ZNF385D: variants seen among roughly 807,000 people sequenced by gnomAD.
ZNF385D encodes zinc finger protein 385D.
A neutral mutation model predicts 35.8 loss-of-function variants in ZNF385D; 15 were observed. The ratio of observed to expected loss-of-function variants is 0.42; its 90% CI spans 0.28 to 0.64. ZNF385D has a LOEUF of 0.64. Ranked by LOEUF, ZNF385D falls within the 30% of genes least tolerant of loss-of-function variation. The probability of loss-of-function intolerance (pLI) is 0.23; values close to 1 mark genes in which losing one functional copy is unlikely to be tolerated. For synonymous variants in ZNF385D, 212 were observed against 186.8 expected (o/e 1.13, Z -1.10); for missense variants, 474 against 494.6 (o/e 0.96, Z 0.39).
chr3:21,681,698 G>GAAAAAAAAAAAAAAAAAAAAAAAAGA (rs5847124), intron 1 of ZNF385D, among the ~76,000 whole-genome samples: 1 of 133,206 alleles, frequency 7.5e-6, no homozygotes, highest in Admixed American at 7.5e-5. Context: ...AAAAAAAAAC[G>GAAAAAAAAAAAAAAAAAAAAAAAAGA]AAAAAAAAAA....
chr3:21,503,598 C>T lies in ZNF385D; in HGVS notation c.439+7263G>A, dbSNP rs552980368. On this transcript the variant is annotated intron_variant, in intron 4 of 7. Coordinates refer to ENST00000281523, the MANE Select transcript of ZNF385D (RefSeq NM_024697.3). ...TTTAAAAATGTGCACCTAGATTTGT[C>T]TGGCACTGGGCCTGAGGTAAACAGC... Among the ~76,000 whole-genome samples, 48 of 152,232 alleles carry T rather than the reference C, an allele frequency of 3.2e-4. 1 individual carries two copies. In the South Asian group the frequency reaches 5.8e-3, roughly 18 times the overall value.
At chr3:22,274,670 TAA>T (rs36017229) in intron 2 of ZNF385D, among the ~76,000 whole-genome samples, 5 of 130,290 alleles carry the variant, frequency 3.8e-5, no homozygotes, top group Admixed American at 2.3e-4. Flanking sequence ...GTAAATTTTT[TAA>T]AAAAAAGAAG....
intron 1 of ZNF385D, among the ~76,000 whole-genome samples, chr3:21,724,317 T>G (rs114432379): frequency 1.2e-4 from 18 of 151,848 alleles, no homozygotes; most frequent in African/African-American, 4.4e-4. Flanking sequence ...ACCTTAAATG[T>G]AACAGGGCTA....
At chr3:22,270,705 G>T (rs907916137) in intron 2 of ZNF385D, among the ~76,000 whole-genome samples, 3 of 151,824 alleles carry the variant, frequency 2.0e-5, no homozygotes, top group Non-Finnish European at 4.4e-5. Context: ...GATGATTTGT[G>T]CTTTTTTTTA....
At chr3:21,991,389 G>A (rs1320870569) in intron 3 of ZNF385D, among the ~76,000 whole-genome samples, 1 of 152,108 alleles carries the variant, frequency 6.6e-6, no homozygotes, top group East Asian at 1.9e-4. Context: ...ACAAAGCCGT[G>A]AATTTTCTAA....
intron 2 of ZNF385D, among the ~76,000 whole-genome samples, chr3:22,203,396 T>C (rs914102884): frequency 6.6e-6 from 1 of 152,114 alleles, no homozygotes; most frequent in African/African-American, 2.4e-5. Flanking sequence ...GGTAACCAGC[T>C]AGTACACACA....
chr3:22,329,938 T>C (rs925802903), intron 2 of ZNF385D, among the ~76,000 whole-genome samples: 1 of 152,182 alleles, frequency 6.6e-6, no homozygotes, highest in South Asian at 2.1e-4. Context: ...ACATTTCAAA[T>C]GTTCACTATT....
At chr3:21,741,723 C>G (rs747556769) in intron 1 of ZNF385D, among the ~76,000 whole-genome samples, 1 of 151,948 alleles carries the variant, frequency 6.6e-6, no homozygotes, top group Non-Finnish European at 1.5e-5. Flanking sequence ...AAATCAATAC[C>G]GAATTCCTCT....
chr3:21,942,780 C>G (rs2125278073), intron 3 of ZNF385D: 1 of 152,304 alleles, frequency 6.6e-6, no homozygotes, highest in Admixed American at 6.5e-5. Context: ...GAAAAGAACA[C>G]TTCTATTGGC....
chr3:21,500,891 A>G (rs1001654614), intron 4 of ZNF385D, among the ~76,000 whole-genome samples: 5 of 152,200 alleles, frequency 3.3e-5, no homozygotes, highest in Non-Finnish European at 2.9e-5. Flanking sequence ...TTTGATATAC[A>G]AATGCAGGCA....
At chr3:22,309,172 T>C (rs1173844096) in intron 2 of ZNF385D, among the ~76,000 whole-genome samples, 1 of 152,076 alleles carries the variant, frequency 6.6e-6, no homozygotes, top group Non-Finnish European at 1.5e-5. Context: ...ATTCACCATT[T>C]TGAAAAAGTA....
intron 3 of ZNF385D, among the ~76,000 whole-genome samples, chr3:21,919,376 G>T (rs1386210683): frequency 2.0e-5 from 3 of 152,176 alleles, no homozygotes; most frequent in Non-Finnish European, 4.4e-5. Flanking sequence ...TTCTAGGATG[G>T]AATGTTCTAT....
intron 2 of ZNF385D, among the ~76,000 whole-genome samples, chr3:22,266,214 A>G (rs1019090130): frequency 6.6e-6 from 1 of 151,976 alleles, no homozygotes; most frequent in Non-Finnish European, 1.5e-5. Context: ...AAGAGGAGCC[A>G]GGTCTGGAAA....
chr3:21,768,865 C>T (rs1163677584), intron 3 of ZNF385D, among the ~76,000 whole-genome samples: 2 of 151,652 alleles, frequency 1.3e-5, no homozygotes, highest in South Asian at 2.1e-4. Context: ...TTTGATTATT[C>T]TATATTTCTT....
intron 2 of ZNF385D, among the ~76,000 whole-genome samples, chr3:21,569,815 A>C (rs2125670798): frequency 6.7e-6 from 1 of 149,862 alleles, no homozygotes; most frequent in African/African-American, 2.5e-5. Context: ...AGGACAAAAA[A>C]CCAAGCACTG....
At chr3:22,356,622 C>T (rs73142213) in intron 2 of ZNF385D, among the ~76,000 whole-genome samples, 8,545 of 151,796 alleles carry the variant, frequency 0.056, 711 homozygotes, top group African/African-American at 0.19. Context: ...AAGTACTGTA[C>T]GAATATTAGA....
At chr3:22,324,862 A>G (rs1694604361) in intron 2 of ZNF385D, among the ~76,000 whole-genome samples, 1 of 152,176 alleles carries the variant, frequency 6.6e-6, no homozygotes, top group Non-Finnish European at 1.5e-5. Flanking sequence ...CAGTAAAAAT[A>G]GTGATTAAAA....
intron 4 of ZNF385D, among the ~76,000 whole-genome samples, chr3:21,507,229 A>G (rs1706837220): frequency 6.6e-6 from 1 of 152,166 alleles, no homozygotes; most frequent in East Asian, 1.9e-4. Flanking sequence ...TCAATTTTCT[A>G]ATTAAAGGCC....
At chr3:21,898,285 C>A (rs1023813563) in intron 3 of ZNF385D, among the ~76,000 whole-genome samples, 1 of 152,050 alleles carries the variant, frequency 6.6e-6, no homozygotes, top group Non-Finnish European at 1.5e-5. Flanking sequence ...CTAATAAAAC[C>A]CCCCTGAGAT....
Sources: allele counts gnomAD v4.1 joint callset (sites outside exome capture counted in the v4.1 genomes callset), GRCh38; gene constraint gnomAD v4.1.1; transcripts MANE v1.5; gene names NCBI Gene and HGNC (gene_info 2026-07-23, HGNC 2026-07-21).